The following AUH variants were observed in gnomAD, a reference collection of about 807,000 sequenced individuals.
AUH encodes methylglutaconyl-CoA hydratase, mitochondrial.
A neutral mutation model predicts 42.3 loss-of-function variants in AUH; 29 were observed. That is an observed-to-expected ratio of 0.69 (90% CI 0.51 to 0.93). The LOEUF (loss-of-function observed/expected upper bound fraction) is 0.93, where lower values mean the gene tolerates loss of function less well. Ranked by LOEUF, AUH falls within the 40% of genes least tolerant of loss-of-function variation. The pLI is 0.00. For missense variants in AUH, 452 were observed against 438.1 expected (o/e 1.03, Z -0.28); for synonymous variants, 174 against 166.4 (o/e 1.05, Z -0.35).
chr9:91,274,692 G>T (rs1297097281), intron 6 of AUH, among the ~76,000 whole-genome samples: 1 of 152,058 alleles, frequency 6.6e-6, no homozygotes, highest in Non-Finnish European at 1.5e-5. Flanking sequence ...CTTTATGTAG[G>T]TTAACAACAA....
At chr9:91,329,949 G>A (rs1830211032) in intron 3 of AUH, among the ~76,000 whole-genome samples, 2 of 151,984 alleles carry the variant, frequency 1.3e-5, no homozygotes. Context: ...AAGAGACAAG[G>A]GTGTTCCCTA....
chr9:91,275,133 G>A lies in AUH; in HGVS notation c.655+20888C>T, dbSNP rs545480633. On this transcript the variant is annotated intron_variant, in intron 6 of 9. Coordinates refer to ENST00000375731, the MANE Select transcript of AUH (RefSeq NM_001698.3). Reference sequence around the variant, plus strand: ...AAGCCTTCTACATGTATTCATTCCTGTCATCCTCCCAATGCCACTATAAAA... The same window carrying A: ...AAGCCTTCTACATGTATTCATTCCTATCATCCTCCCAATGCCACTATAAAA... Among the ~76,000 whole-genome samples, 4 of 152,276 alleles carry A rather than the reference G, an allele frequency of 2.6e-5. No homozygotes were observed. The East Asian group carries it at 5.8e-4, about 22-fold the overall frequency.
intron 3 of AUH, among the ~76,000 whole-genome samples, chr9:91,327,614 C>T (rs1830044264): frequency 6.6e-6 from 1 of 152,190 alleles, no homozygotes; most frequent in African/African-American, 2.4e-5. Flanking sequence ...GCACCTCATT[C>T]CTCTTGGTCG....
chr9:91,307,718 T>C (rs1265209746), intron 4 of AUH, among the ~76,000 whole-genome samples: 2 of 152,234 alleles, frequency 1.3e-5, no homozygotes, highest in Non-Finnish European at 2.9e-5. Context: ...TATCTTACTA[T>C]GCCTAATTTA....
At chr9:91,313,711 C>CAAAAAA (rs775229436) in intron 4 of AUH, among the ~76,000 whole-genome samples, 98 of 67,740 alleles carry the variant, frequency 1.4e-3, no homozygotes, top group East Asian at 2.7e-3. Context: ...GACTCCGTCT[C>CAAAAAA]AAAAAAAAAA....
At chr9:91,231,425 C>A (rs577727348) in intron 6 of AUH, among the ~76,000 whole-genome samples, 3 of 152,324 alleles carry the variant, frequency 2.0e-5, no homozygotes, top group Non-Finnish European at 4.4e-5. Context: ...ACACACGGTG[C>A]GCGCACCCAC....
intron 3 of AUH, among the ~76,000 whole-genome samples, chr9:91,349,632 T>C (rs1019544853): frequency 2.1e-5 from 3 of 139,844 alleles, no homozygotes; most frequent in African/African-American, 7.4e-5. Flanking sequence ...TTGACTTGTG[T>C]GTGTGTGTAT....
At chr9:91,233,274 A>G (rs1827992719) in intron 6 of AUH, among the ~76,000 whole-genome samples, 1 of 152,144 alleles carries the variant, frequency 6.6e-6, no homozygotes, top group Non-Finnish European at 1.5e-5. Context: ...GGATTCCCAC[A>G]CAGGTCTGGG....
chr9:91,335,575 C>T (rs1170204868), intron 3 of AUH, among the ~76,000 whole-genome samples: 1 of 151,998 alleles, frequency 6.6e-6, no homozygotes, highest in African/African-American at 2.4e-5. Context: ...TTTCATCTAC[C>T]CTATTTGGGT....
intron 6 of AUH, among the ~76,000 whole-genome samples, chr9:91,293,295 T>C (rs1188693299): frequency 6.6e-6 from 1 of 152,228 alleles, no homozygotes; most frequent in African/African-American, 2.4e-5. Context: ...GGAAGGCATG[T>C]CAAAAGCTGA....
At position 91,220,999 on chromosome 9, in the gene AUH, G is replaced by A; in HGVS notation, c.656-7C>T. On this transcript the variant is annotated splice_polypyrimidine_tract_variant and splice_region_variant and intron_variant, in intron 6 of 9. Transcript: ENST00000375731. ...GGCAATCGCTGTGTCCCCCCTGAGG[G>A]GTGAAAGAGAGAGAAAAGGCAATGA... 1 of 1,614,044 alleles carries A rather than the reference G, an allele frequency of 6.2e-7. No individual in the cohort carries two copies. Among genetic ancestry groups the A allele is most frequent in the Non-Finnish European group, 8.5e-7 (1 of 1,179,988 alleles).
rs187689225 is a variant in AUH, at chr9:91,256,022, T to A, written c.656-35030A>T. Among the ~76,000 whole-genome samples the A allele has an allele frequency of 2.2e-4, 33 of 152,282 alleles. No homozygotes were observed. In the East Asian group the frequency reaches 6.0e-3, roughly 28 times the overall value. On this transcript the variant is annotated intron_variant, in intron 6 of 9. Transcript: ENST00000375731. ...ATATAATTAAATTTAAATAATGTCA[T>A]GTAAACATTTTATTTCAGTTATATC...
At chr9:91,300,555 T>C (rs912486938) in intron 4 of AUH, among the ~76,000 whole-genome samples, 3 of 152,222 alleles carry the variant, frequency 2.0e-5, no homozygotes, top group African/African-American at 7.2e-5. Context: ...GCCACCCTTC[T>C]ATGCATCTTC....
At chr9:91,283,146 G>A (rs1211493937) in intron 6 of AUH, among the ~76,000 whole-genome samples, 2 of 152,138 alleles carry the variant, frequency 1.3e-5, no homozygotes, top group Non-Finnish European at 2.9e-5. Flanking sequence ...TGGGATGCAA[G>A]GCTGGTTCAA....
intron 4 of AUH, among the ~76,000 whole-genome samples, chr9:91,300,737 A>C (rs1827720325): frequency 1.3e-5 from 2 of 152,204 alleles, no homozygotes; most frequent in Non-Finnish European, 2.9e-5. Flanking sequence ...ATCTCTTCCA[A>C]AACCTCAGAT....
chr9:91,254,925 G>T (rs1396603917), intron 6 of AUH, among the ~76,000 whole-genome samples: 1 of 152,078 alleles, frequency 6.6e-6, no homozygotes, highest in East Asian at 1.9e-4. Context: ...AAAACTAAGA[G>T]ACAATGGAAT....
intron 1 of AUH, among the ~76,000 whole-genome samples, chr9:91,360,694 C>G (rs944466148): frequency 6.6e-6 from 1 of 152,218 alleles, no homozygotes; most frequent in African/African-American, 2.4e-5. Flanking sequence ...GCCCTTTCCT[C>G]TTACCATGCC....
chr9:91,295,076 C>T (rs545779575), intron 6 of AUH, among the ~76,000 whole-genome samples: 1 of 152,146 alleles, frequency 6.6e-6, no homozygotes, highest in African/African-American at 2.4e-5. Flanking sequence ...CAGGAAATCT[C>T]ATGCTTTTTT....
At position 91,361,849 on chromosome 9, in the gene AUH, G is replaced by T; in HGVS notation, c.41C>A (p.Ser14Tyr). ...CAGGCGGGCGCCGCCAGCATGCAGG[G>T]ATCCCAAGGCCCCAGGTGCCGCCGC... is the stretch of plus-strand genomic sequence containing the variant. ...AVAAAPGALG[S>Y]LHAGGARLVA... Residue 14 changes from serine to tyrosine, a missense_variant, in exon 1 of 10, where the codon TCC (serine) becomes TAC (tyrosine). Ser to Tyr is a moderately radical substitution (Grantham distance 144). Transcript: ENST00000375731. The T allele has an allele frequency of 6.7e-7, 1 of 1,491,742 alleles. No individual in the cohort carries two copies. The highest frequency in any genetic ancestry group is 8.9e-7 in the Non-Finnish European group (1 of 1,126,938). The allele number at this position is 1,491,742 out of a possible 1,614,324, so 92.4% of individuals were successfully genotyped here.
Sources: gnomAD v4.1 joint callset for allele counts (sites outside exome capture counted in the v4.1 genomes callset) on GRCh38, gnomAD v4.1.1 for gene constraint, MANE v1.5 for transcripts, NCBI Gene and HGNC (gene_info 2026-07-23, HGNC 2026-07-21) for gene names.